Variants in TAF2 observed in about 807,000 individuals in gnomAD.
The protein encoded by TAF2 is transcription initiation factor TFIID subunit 2.
Under a neutral mutation model 138.5 loss-of-function variants are expected in TAF2, and 61 were observed. The observed-to-expected ratio is 0.44, with a 90% CI of 0.36 to 0.54. The LOEUF is 0.54. TAF2 is among the 20% of genes least tolerant of loss of function. The pLI, the probability that TAF2 is intolerant of heterozygous loss-of-function variation, is 0.00. For missense variants in TAF2, 1,090 were observed against 1,427.9 expected, an observed-to-expected ratio of 0.76 and a Z score of 3.81; for synonymous variants, 475 against 469.9, an observed-to-expected ratio of 1.01 and a Z score of -0.14.
chr8:119,825,972 G>A (rs111297863), intron 2 of TAF2, among the ~76,000 whole-genome samples: 1,592 of 151,934 alleles, frequency 0.01, 8 homozygotes, highest in Middle Eastern at 0.027. Context: ...GATTACAGGC[G>A]TGAGCCACCG....
chr8:119,819,206 A>C (rs1302527431), intron 3 of TAF2, 140 bp downstream of exon 3: 11 of 835,310 alleles, frequency 1.3e-5, no homozygotes, highest in African/African-American at 3.4e-5. Flanking sequence ...AAATGTACAG[A>C]GTGGTAAAAC....
chr8:119,828,122 T>C (rs1057429519), intron 2 of TAF2, among the ~76,000 whole-genome samples: 5 of 151,940 alleles, frequency 3.3e-5, no homozygotes, highest in Admixed American at 1.3e-4. Flanking sequence ...AGGTGATCCA[T>C]CCGCCTTGGC....
intron 18 of TAF2, among the ~76,000 whole-genome samples, chr8:119,764,324 T>C (rs995179239): frequency 2.0e-5 from 3 of 152,222 alleles, no homozygotes; most frequent in African/African-American, 7.2e-5. Context: ...TATTCTGAAG[T>C]ACTAAGTCAT....
At chr8:119,767,201 C>T (rs1274158657) in intron 18 of TAF2, 2 of 152,150 alleles carry the variant, frequency 1.3e-5, no homozygotes, top group African/African-American at 4.8e-5. Flanking sequence ...CACTGAGGTT[C>T]CGGTTCAAGA....
At chr8:119,807,401 T>C (rs1824734186) in intron 3 of TAF2, among the ~76,000 whole-genome samples, 2 of 152,068 alleles carry the variant, frequency 1.3e-5, no homozygotes, top group Non-Finnish European at 2.9e-5. Context: ...TATGTGTACA[T>C]ATACACATAT....
At chr8:119,774,389 A>C (rs1319873187) in intron 18 of TAF2, among the ~76,000 whole-genome samples, 1 of 152,154 alleles carries the variant, frequency 6.6e-6, no homozygotes, top group Non-Finnish European at 1.5e-5. Context: ...TTTACACACA[A>C]AGACTATCTA....
At chr8:119,779,540 A>T (rs1822498198) in intron 17 of TAF2, among the ~76,000 whole-genome samples, 1 of 152,190 alleles carries the variant, frequency 6.6e-6, no homozygotes, top group Admixed American at 6.5e-5. Flanking sequence ...GTGAAATGGT[A>T]ATACAGAGCA....
intron 8 of TAF2, among the ~76,000 whole-genome samples, chr8:119,796,338 A>T (rs1193696580): frequency 2.6e-5 from 4 of 152,124 alleles, no homozygotes; most frequent in Non-Finnish European, 5.9e-5. Context: ...CAACATTTCC[A>T]TACTATATAT....
At chr8:119,802,377 C>T (rs1197174266) in intron 5 of TAF2, among the ~76,000 whole-genome samples, 2 of 152,160 alleles carry the variant, frequency 1.3e-5, no homozygotes, top group African/African-American at 4.8e-5. Flanking sequence ...AAAAGGCTCA[C>T]AGCAAAAAGT....
intron 19 of TAF2, among the ~76,000 whole-genome samples, chr8:119,762,053 C>T (rs1159766739): frequency 6.6e-6 from 1 of 151,770 alleles, no homozygotes; most frequent in Non-Finnish European, 1.5e-5. Context: ...GAAAAGTCAT[C>T]TTAAAAAAAG....
chr8:119,754,129 C>T (rs1190859937), intron 22 of TAF2, among the ~76,000 whole-genome samples: 1 of 151,874 alleles, frequency 6.6e-6, no homozygotes, highest in Non-Finnish European at 1.5e-5. Context: ...AAGGTCCATC[C>T]TATTTTCAAT....
intron 18 of TAF2, among the ~76,000 whole-genome samples, chr8:119,773,181 A>G (rs1821973977): frequency 6.6e-6 from 1 of 150,950 alleles, no homozygotes; most frequent in Non-Finnish European, 1.5e-5. Flanking sequence ...ATTTAGCTAC[A>G]AAATTAAACA....
chr8:119,753,360 T>C (rs78714137), intron 22 of TAF2, among the ~76,000 whole-genome samples: 2,273 of 152,308 alleles, frequency 0.015, 60 homozygotes, highest in African/African-American at 0.052. Context: ...TAGATCAGAT[T>C]CATTCATTTA....
At chr8:119,771,972 C>A (rs1336648806) in intron 18 of TAF2, among the ~76,000 whole-genome samples, 3 of 151,982 alleles carry the variant, frequency 2.0e-5, no homozygotes, top group East Asian at 1.9e-4. Context: ...TAAAAAAAAT[C>A]AAAAATATCA....
intron 8 of TAF2, 40 bp downstream of exon 8, chr8:119,796,950 T>A (rs1174530697): frequency 2.1e-6 from 3 of 1,403,726 alleles, no homozygotes; most frequent in Non-Finnish European, 2.0e-6. Context: ...AAAATAAACT[T>A]GATTCTCTTC....
intron 8 of TAF2, 98 bp from the exon 9 acceptor site, chr8:119,795,729 G>A: frequency 9.2e-7 from 1 of 1,083,628 alleles, no homozygotes; most frequent in Non-Finnish European, 1.4e-6. Flanking sequence ...GTATTTCCCT[G>A]CCTTCATAAA....
chr8:119,741,175 C>CA lies in TAF2; in HGVS notation c.3337+1358dup, dbSNP rs543461032. Among the ~76,000 whole-genome samples the CA allele has an allele frequency of 6.7e-4, 102 of 151,528 alleles. No individual in the cohort carries two copies. In the South Asian group the frequency reaches 0.02, roughly 29 times the overall value. On this transcript the variant is annotated intron_variant, in intron 25 of 25. Coordinates refer to ENST00000378164, the MANE Select transcript of TAF2 (RefSeq NM_003184.4). ...TGATAAAAAGGCACACTGGTGGGCA[C>CA]AAAAAAAAGTGTTCAGATTTGCTTC...
rs935085291 is a variant in TAF2 at position 119,819,264 on chromosome 8, A to G, written c.299+82T>C. Reference sequence around the variant, plus strand: ...CCCATTAACGATCCAAAAAAAAAATACTTTGAGAAAAACTAATCCAATCAT... The same window carrying G: ...CCCATTAACGATCCAAAAAAAAAATGCTTTGAGAAAAACTAATCCAATCAT... On this transcript the variant is annotated intron_variant, in intron 3 of 25. Coordinates refer to ENST00000378164, the MANE Select transcript of TAF2 (RefSeq NM_003184.4). 5 of 1,438,988 alleles carry G rather than the reference A, an allele frequency of 3.5e-6. No homozygotes were observed. The African/African-American group carries it at 5.7e-5, about 16-fold the overall frequency. The allele number at this position is 1,438,988 out of a possible 1,614,324, so 89.1% of individuals were successfully genotyped here.
intron 25 of TAF2, among the ~76,000 whole-genome samples, chr8:119,735,974 GT>G (rs1489783898): frequency 6.6e-6 from 1 of 152,162 alleles, no homozygotes; most frequent in Non-Finnish European, 1.5e-5. Flanking sequence ...CTTGTTGGCT[GT>G]CTGCACTCTT....
Sources: allele counts gnomAD v4.1 joint callset (sites outside exome capture counted in the v4.1 genomes callset), GRCh38; gene constraint gnomAD v4.1.1; transcripts MANE v1.5; gene names NCBI Gene and HGNC (gene_info 2026-07-23, HGNC 2026-07-21).